LARP4B: variants seen among roughly 807,000 people sequenced by gnomAD.
The protein encoded by LARP4B is la-related protein 4B.
In LARP4B, 12 loss-of-function variants were observed where a neutral mutation model predicts 89.8. The observed-to-expected ratio is 0.13, with a 90% CI of 0.09 to 0.22. LARP4B has a LOEUF of 0.22. Ranked by LOEUF, LARP4B falls within the 10% of genes least tolerant of loss-of-function variation. The pLI is 1.00. For synonymous variants in LARP4B, 367 were observed against 363.3 expected, an observed-to-expected ratio of 1.01 and a Z score of -0.12; for missense variants, 757 against 947.7, an observed-to-expected ratio of 0.80 and a Z score of 2.64.
At chr10:892,828 C>A (rs187597282) in intron 1 of LARP4B, among the ~76,000 whole-genome samples, 1 of 148,618 alleles carries the variant, frequency 6.7e-6, no homozygotes, top group Non-Finnish European at 1.5e-5. Flanking sequence ...CGTGAGCCAC[C>A]GCGCCCGGCA....
At chr10:908,829 A>G (rs1403060202) in intron 1 of LARP4B, among the ~76,000 whole-genome samples, 1 of 152,220 alleles carries the variant, frequency 6.6e-6, no homozygotes, top group Admixed American at 6.5e-5. Context: ...CAAACAAGAA[A>G]AGGAAACGTC....
At chr10:921,396 T>C (rs1836974854) in intron 1 of LARP4B, among the ~76,000 whole-genome samples, 1 of 152,182 alleles carries the variant, frequency 6.6e-6, no homozygotes, top group Non-Finnish European at 1.5e-5. Context: ...AAACATCTAG[T>C]CTACAGTTAT....
At chr10:912,825 C>G (rs184671490) in intron 1 of LARP4B, among the ~76,000 whole-genome samples, 1 of 152,120 alleles carries the variant, frequency 6.6e-6, no homozygotes, top group East Asian at 1.9e-4. Flanking sequence ...TTGCAGAGGT[C>G]ACTGCACTCC....
intron 1 of LARP4B, among the ~76,000 whole-genome samples, chr10:924,200 C>A (rs1363529251): frequency 3.9e-5 from 6 of 152,088 alleles, no homozygotes. Flanking sequence ...GTGAGCATGC[C>A]ACTGGACTCC....
intron 1 of LARP4B, among the ~76,000 whole-genome samples, chr10:913,450 G>C (rs1480666546): frequency 2.6e-5 from 4 of 152,138 alleles, no homozygotes; most frequent in African/African-American, 7.2e-5. Flanking sequence ...ATGTCTTTTA[G>C]TTCATGACTT....
At chr10:830,532 T>A (rs1482147598) in intron 9 of LARP4B, among the ~76,000 whole-genome samples, 2 of 152,206 alleles carry the variant, frequency 1.3e-5, no homozygotes, top group Non-Finnish European at 2.9e-5. Context: ...TACAATGAAG[T>A]CTGCTGGGAG....
chr10:839,196 T>C (rs752997572), intron 7 of LARP4B, among the ~76,000 whole-genome samples: 70 of 152,342 alleles, frequency 4.6e-4, no homozygotes, highest in Non-Finnish European at 8.8e-4. Context: ...AATGTCCCTA[T>C]ATGGTTGTCT....
At chr10:903,025 T>A (rs1395051248) in intron 1 of LARP4B, among the ~76,000 whole-genome samples, 1 of 152,236 alleles carries the variant, frequency 6.6e-6, no homozygotes, top group Admixed American at 6.5e-5. Context: ...GAATATATTC[T>A]AACCTCCATT....
chr10:824,953 T>G, intron 13 of LARP4B, 112 bp downstream of exon 13: 5 of 1,116,540 alleles, frequency 4.5e-6, no homozygotes, highest in Non-Finnish European at 6.1e-6. Flanking sequence ...GTTTATAGCC[T>G]TCAGTTAGAT....
chr10:841,004 T>C (rs1183652829), intron 7 of LARP4B, among the ~76,000 whole-genome samples: 3 of 152,078 alleles, frequency 2.0e-5, no homozygotes, highest in Non-Finnish European at 4.4e-5. Flanking sequence ...GTACAAAAAA[T>C]TAGCTGGGCG....
rs1003027549 is a variant in LARP4B at position 884,458 on chromosome 10, G to T, written c.130C>A (p.Pro44Thr). 6.2e-7 allele frequency: 1 copy of T among 1,604,252 alleles called. No individual in the cohort carries two copies. The highest frequency in any genetic ancestry group is 8.5e-7 in the Non-Finnish European group (1 of 1,171,450). ...CAAAATTGAATTACCTGACTCAAAG[G>T]TGGGATGGAACTTGTCTGAGAAGTG... The part of the protein sequence containing the change: ...QTTSQTSSIP[P>T]LSQVPATKVS... Residue 44 changes from proline to threonine, a missense_variant, in exon 3 of 18, where the codon CCT (proline) becomes ACT (threonine). Physicochemically the swap from Pro to Thr is conservative, Grantham distance 38. Around this residue, in one of 5 missense-constraint regions of LARP4B, gnomAD observed 175 missense variants for 187.0 expected, o/e 0.94. Transcript: ENST00000316157.
At chr10:893,736 G>C (rs1836107344) in intron 1 of LARP4B, among the ~76,000 whole-genome samples, 1 of 152,126 alleles carries the variant, frequency 6.6e-6, no homozygotes, top group African/African-American at 2.4e-5. Context: ...GAAGACAACT[G>C]GTCCCATCAG....
At chr10:969,181 T>G in the LARP4B span, among the ~76,000 whole-genome samples, 2 of 152,162 alleles carry the variant, frequency 1.3e-5, no homozygotes, top group South Asian at 4.1e-4. Context: ...TTTTCAAATA[T>G]TTGGGAGGAA....
At chr10:832,413 C>A (rs1588877080) in intron 8 of LARP4B, among the ~76,000 whole-genome samples, 2 of 152,288 alleles carry the variant, frequency 1.3e-5, no homozygotes, top group South Asian at 4.1e-4. Context: ...ATTAAAACTA[C>A]ACTAAATAAG....
intron 3 of LARP4B, chr10:873,250 A>G: frequency 1.0e-6 from 1 of 985,366 alleles, no homozygotes. Context: ...ACACCCAGAG[A>G]CCAAAAATAA....
intron 1 of LARP4B, among the ~76,000 whole-genome samples, chr10:894,249 C>CA (rs567524780): frequency 1.9e-3 from 294 of 151,772 alleles, no homozygotes; most frequent in South Asian, 5.0e-3. Flanking sequence ...GTAGTCGTGC[C>CA]AAAAAAAGAG....
downstream of LARP4B, chr10:809,102 C>G (rs1831648393): frequency 6.6e-6 from 1 of 152,202 alleles, no homozygotes; most frequent in African/African-American, 2.4e-5. Flanking sequence ...CACTCGGTGC[C>G]TGGCACAGGA....
upstream of LARP4B, among the ~76,000 whole-genome samples, chr10:932,341 G>A (rs565714551): frequency 9.4e-4 from 103 of 109,726 alleles, no homozygotes; most frequent in African/African-American, 3.5e-3. Flanking sequence ...CCCCGGCCCT[G>A]CCCCGAACTC....
chr10:947,356 T>C, the LARP4B span, among the ~76,000 whole-genome samples: 3 of 152,128 alleles, frequency 2.0e-5, no homozygotes, highest in Non-Finnish European at 4.4e-5. Flanking sequence ...ACGGCAAATA[T>C]GCTGTGGCTC....
Sources: allele counts gnomAD v4.1 joint callset (sites outside exome capture counted in the v4.1 genomes callset), GRCh38; gene constraint gnomAD v4.1.1; regional missense constraint gnomAD v4.1.1; transcripts MANE v1.5; gene names NCBI Gene and HGNC (gene_info 2026-07-23, HGNC 2026-07-21).